TBL1X: variants seen among roughly 807,000 people sequenced by gnomAD.
TBL1X encodes the protein transducin beta like 1 X-linked, also known as F-box-like/WD repeat-containing protein TBL1X.
In TBL1X, 10 loss-of-function variants were observed where a neutral mutation model predicts 50.7. That is an observed-to-expected ratio of 0.20 (90% CI 0.12 to 0.33). The LOEUF is 0.33. TBL1X is among the 10% of genes least tolerant of loss of function. TBL1X has a pLI of 1.00. For synonymous variants in TBL1X, 190 were observed against 214.7 expected (o/e 0.88, Z 1.01); for missense variants, 340 against 504.4 (o/e 0.67, Z 3.12).
At chrX:9,585,985 C>T (rs1348297616) in intron 2 of TBL1X, among the ~76,000 whole-genome samples, 1 of 111,824 alleles carries the variant, frequency 8.9e-6, no homozygotes, top group Non-Finnish European at 1.9e-5. Context: ...AACAAAAAAA[C>T]CAACCCAAAA....
intron 2 of TBL1X, among the ~76,000 whole-genome samples, chrX:9,575,825 C>T (rs1008266847): frequency 9.0e-6 from 1 of 111,696 alleles, no homozygotes; most frequent in Admixed American, 9.5e-5. Context: ...TATTATAATG[C>T]TGTGCAGAAA....
At chrX:9,620,228 GA>G (rs923383034) in intron 2 of TBL1X, among the ~76,000 whole-genome samples, 2 of 112,363 alleles carry the variant, frequency 1.8e-5, no homozygotes, top group Admixed American at 1.9e-4. Flanking sequence ...GAGTCCTCAC[GA>G]AGGAAAATGC....
chrX:9,587,221 G>A (rs2082474726), intron 2 of TBL1X, among the ~76,000 whole-genome samples: 1 of 111,992 alleles, frequency 8.9e-6, no homozygotes, highest in African/African-American at 3.2e-5. Context: ...CATCTGTGTC[G>A]GGAGTGAGAG....
intron 2 of TBL1X, chrX:9,636,351 A>G (rs1344640665): frequency 1.8e-5 from 2 of 111,536 alleles, no homozygotes; most frequent in Admixed American, 9.5e-5. Context: ...TGAAGCCAGG[A>G]GTTCAAGACC....
chrX:9,576,706 A>AC (rs2082414074), intron 2 of TBL1X, among the ~76,000 whole-genome samples: 2 of 107,904 alleles, frequency 1.9e-5, no homozygotes, highest in Admixed American at 1.0e-4. Context: ...AAAAAAAAAA[A>AC]AAAAAAAAAA....
intron 2 of TBL1X, among the ~76,000 whole-genome samples, chrX:9,554,986 T>C (rs2082288739): frequency 8.9e-6 from 1 of 112,450 alleles, no homozygotes; most frequent in Non-Finnish European, 1.9e-5. Flanking sequence ...AATCCAATCA[T>C]ATAACCTGTG....
chrX:9,585,026 C>T (rs1405192465), intron 2 of TBL1X, among the ~76,000 whole-genome samples: 2 of 111,546 alleles, frequency 1.8e-5, no homozygotes, highest in East Asian at 5.6e-4. Flanking sequence ...AATCCAACTG[C>T]AAGGAGAGAA....
chrX:9,538,959 G>T (rs946232457), intron 2 of TBL1X, among the ~76,000 whole-genome samples: 1 of 112,582 alleles, frequency 8.9e-6, no homozygotes, highest in African/African-American at 3.2e-5. Context: ...AGCTGTCCTT[G>T]CCAGCAAAAG....
intron 2 of TBL1X, among the ~76,000 whole-genome samples, chrX:9,615,029 A>G (rs1020584714): frequency 4.5e-5 from 5 of 111,815 alleles, no homozygotes; most frequent in Admixed American, 2.8e-4. Flanking sequence ...ATTCGCAGCT[A>G]TAATGGTGAT....
chrX:9,709,459 C>T (rs2083230897), intron 14 of TBL1X, 137 bp downstream of exon 14: 2 of 973,855 alleles, frequency 2.1e-6, no homozygotes, highest in Non-Finnish European at 2.8e-6. Flanking sequence ...CGGTGAGCTA[C>T]GATTTCTCAG....
chrX:9,705,423 G>A (rs1189750107), intron 13 of TBL1X, among the ~76,000 whole-genome samples: 3 of 110,834 alleles, frequency 2.7e-5, no homozygotes, highest in African/African-American at 6.6e-5. Flanking sequence ...ATGAATAGAC[G>A]GGGCACATCT....
intron 2 of TBL1X, among the ~76,000 whole-genome samples, chrX:9,569,311 GGT>G (rs1454315263): frequency 1.4e-5 from 1 of 69,758 alleles, no homozygotes; most frequent in Non-Finnish European, 2.9e-5. Flanking sequence ...GTGTGTGTGT[GGT>G]GTGCTGTGTG....
chrX:9,560,433 T>C (rs989512783), intron 2 of TBL1X: 17 of 112,020 alleles, frequency 1.5e-4, no homozygotes, highest in Non-Finnish European at 2.8e-4. Context: ...AGTGACAGGA[T>C]CTGTTCGCGT....
At chrX:9,529,310 C>G (rs1470620204) in intron 2 of TBL1X, among the ~76,000 whole-genome samples, 1 of 111,046 alleles carries the variant, frequency 9.0e-6, no homozygotes, top group Non-Finnish European at 1.9e-5. Flanking sequence ...GATGTTTACT[C>G]TCTTGCCGGT....
chrX:9,487,127 C>T (rs1472145905), intron 1 of TBL1X, among the ~76,000 whole-genome samples: 1 of 111,763 alleles, frequency 8.9e-6, no homozygotes, highest in African/African-American at 3.3e-5. Flanking sequence ...CTAGTTTCTT[C>T]TTCTCTTTTT....
At chrX:9,600,130 C>T (rs1339761932) in intron 2 of TBL1X, among the ~76,000 whole-genome samples, 2 of 111,786 alleles carry the variant, frequency 1.8e-5, no homozygotes, top group East Asian at 5.6e-4. Flanking sequence ...GAAAACCTGG[C>T]AAGACGTCTT....
intron 13 of TBL1X, among the ~76,000 whole-genome samples, chrX:9,706,491 G>GACCA (rs1281077926): frequency 7.2e-5 from 8 of 110,579 alleles, no homozygotes; most frequent in African/African-American, 2.6e-4. Context: ...AAACAGAACA[G>GACCA]ACCATATCCA....
At chrX:9,574,392 T>C (rs2082400004) in intron 2 of TBL1X, among the ~76,000 whole-genome samples, 1 of 95,199 alleles carries the variant, frequency 1.1e-5, no homozygotes, top group South Asian at 5.3e-4. Context: ...AGTTCGAGGC[T>C]ACAAGTGAGC....
intron 5 of TBL1X, among the ~76,000 whole-genome samples, chrX:9,656,577 A>G (rs1335971815): frequency 2.7e-5 from 3 of 113,047 alleles, no homozygotes; most frequent in African/African-American, 9.6e-5. Flanking sequence ...GTTGGAGCAC[A>G]ACAATGCATA....
Sources: gnomAD v4.1 joint callset for allele counts (sites outside exome capture counted in the v4.1 genomes callset) on GRCh38, gnomAD v4.1.1 for gene constraint, MANE v1.5 for transcripts, NCBI Gene and HGNC (gene_info 2026-07-23, HGNC 2026-07-21) for gene names.